Variants in SLITRK2 observed in about 807,000 individuals in gnomAD.
SLITRK2 encodes the protein SLIT and NTRK like family member 2, also known as SLIT and NTRK-like protein 2.
Under a neutral mutation model 35.4 loss-of-function variants are expected in SLITRK2, and 13 were observed. The ratio of observed to expected loss-of-function variants is 0.37; its 90% CI spans 0.24 to 0.58. SLITRK2 has a LOEUF of 0.58. SLITRK2 is among the 20% of genes least tolerant of loss of function. SLITRK2 has a pLI of 0.75. For missense variants in SLITRK2, 471 were observed against 634.3 expected, an observed-to-expected ratio of 0.74 and a Z score of 2.76; for synonymous variants, 294 against 264.7, an observed-to-expected ratio of 1.11 and a Z score of -1.07.
At chrX:145,819,706 A>G in intron 1 of SLITRK2, 2 of 112,029 alleles carry the variant, frequency 1.8e-5, no homozygotes, top group Middle Eastern at 9.2e-3. Context: ...TGCAATTGCA[A>G]TACAGGGTGG....
chrX:145,823,044 G>A lies in SLITRK2; in HGVS notation c.619G>A (p.Gly207Arg), dbSNP rs782811171. Residue 207 changes from glycine to arginine, a missense_variant, in exon 5 of 5, where the codon GGG becomes AGG. Physicochemically the swap from Gly to Arg is moderately radical, Grantham distance 125. This residue lies in a region of SLITRK2 where 15 missense variants were observed against 45.7 expected (regional missense o/e 0.33). Transcript: ENST00000335565. ...PFAGVLEHIG[G>R]IMEIQLEENP... ...TGCTGGCGTCCTTGAACATATTGGA[G>A]GGATCATGGAGATTCAGCTGGAGGA... The A allele has an allele frequency of 5.0e-6, 6 of 1,209,635 alleles. No homozygotes were observed. The East Asian group carries it at 1.5e-4, about 30-fold the overall frequency.
chrX:145,820,902 C>T (rs1471570049), intron 2 of SLITRK2: 1 of 110,742 alleles, frequency 9.0e-6, no homozygotes, highest in Non-Finnish European at 1.9e-5. Context: ...AAGGAATTCT[C>T]TTAGCACTGA....
chrX:145,827,871 G>A lies in SLITRK2; in HGVS notation c.*2908G>A. On this transcript the variant is annotated 3_prime_UTR_variant, in exon 5 of 5. Transcript: ENST00000335565. ...AGGATTTTTATTTTTATCTTCCACA[G>A]CTGGATATTGCTATTTCACTTTTAT... The A allele has an allele frequency of 8.3e-7, 1 of 1,211,021 alleles. No individual in the cohort carries two copies.
Position 145,823,763 on chromosome X carries a change from G to A in SLITRK2, c.1338G>A (p.Leu446=), listed in dbSNP as rs782442678. 1 of 1,211,142 alleles carries A rather than the reference G, an allele frequency of 8.3e-7. No homozygotes were observed. The highest frequency in any genetic ancestry group is 2.2e-5 in the Admixed American group (1 of 46,039). The change falls in exon 5 of 5, where the codon CTG becomes CTA. Residue 446 remains leucine, a synonymous_variant. Transcript: ENST00000335565. ...TGTACCCTTCTATGTTTGATGGACT[G>A]CAGAGCTTGCAATATCTCTATTTAG... ...EVLYPSMFDG[L]QSLQYLYLEY... is the part of the protein sequence containing the mutation.
At position 145,827,887 on chromosome X, in the gene SLITRK2, T is replaced by A. The variant is rs782226570; in HGVS notation, c.*2924T>A. The A allele has an allele frequency of 2.5e-6, 3 of 1,211,668 alleles. No homozygotes were observed. Among genetic ancestry groups the A allele is most frequent in the Non-Finnish European group, 3.4e-6 (3 of 895,351 alleles). On this transcript the variant is annotated 3_prime_UTR_variant, in exon 5 of 5. Coordinates refer to ENST00000335565, the MANE Select transcript of SLITRK2 (RefSeq NM_032539.5). ...TCTTCCACAGCTGGATATTGCTATTTCACTTTTATTTCACATGCAGCTTTA... is the reference window on the plus strand; with the variant it reads ...TCTTCCACAGCTGGATATTGCTATTACACTTTTATTTCACATGCAGCTTTA...
intron 1 of SLITRK2, chrX:145,819,883 A>T (rs2072966341): frequency 8.9e-6 from 1 of 112,092 alleles, no homozygotes; most frequent in South Asian, 3.8e-4. Flanking sequence ...CTCTTAGAAG[A>T]AGAAGAAGGA....
At position 145,827,013 on chromosome X, in the gene SLITRK2, T is replaced by A. The variant is rs782689169; in HGVS notation, c.*2050T>A. 8.9e-6 allele frequency: 1 copy of A among 111,917 alleles called. No individual in the cohort carries two copies. Among genetic ancestry groups the A allele is most frequent in the East Asian group, 2.8e-4 (1 of 3,561 alleles). The allele number at this position is 111,917 out of a possible 1,213,427, so 9.2% of individuals were successfully genotyped here. ...GAAACATATCTTTAACAACATAAAATCTCTGAATATCTACAGTGGCAAGCT... is the reference window on the plus strand; with the variant it reads ...GAAACATATCTTTAACAACATAAAAACTCTGAATATCTACAGTGGCAAGCT... On this transcript the variant is annotated 3_prime_UTR_variant, in exon 5 of 5. Transcript: ENST00000335565.
Position 145,822,819 on chromosome X carries a change from G to A in SLITRK2, c.394G>A (p.Gly132Ser). The A allele has an allele frequency of 8.3e-7, 1 of 1,210,599 alleles. No individual in the cohort carries two copies. Among genetic ancestry groups the A allele is most frequent in the Non-Finnish European group, 1.1e-6 (1 of 895,033 alleles). The change falls in exon 5 of 5, where the codon GGC becomes AGC. Residue 132 changes from glycine (G) to serine (S), a missense_variant. Physicochemically the swap from Gly to Ser is moderately conservative, Grantham distance 56. Transcript: ENST00000335565. ...GATATTGAGGGAGGACACCTTCCTA[G>A]GCCTGGAGAGCCTGGAGTATCTCCA... ...LEILREDTFL[G>S]LESLEYLQAD...
At chrX:145,821,120 C>G (rs1412353827) in intron 2 of SLITRK2, 1 of 68,334 alleles carries the variant, frequency 1.5e-5, no homozygotes, top group African/African-American at 6.0e-5. Context: ...CTCTCTCTCT[C>G]TCACTCACAC....
intron 1 of SLITRK2, 79 bp from the exon 2 acceptor site, chrX:145,820,395 C>T (rs2072979772): frequency 8.9e-6 from 1 of 112,549 alleles, no homozygotes; most frequent in Non-Finnish European, 1.9e-5. Context: ...ATTAGCAATG[C>T]TCTGGAAAGG....
Position 145,824,743 on chromosome X carries a change from A to G in SLITRK2, c.2318A>G (p.His773Arg). The G allele has an allele frequency of 8.3e-7, 1 of 1,211,470 alleles. No individual in the cohort carries two copies. Among genetic ancestry groups the G allele is most frequent in the Non-Finnish European group, 1.1e-6 (1 of 895,445 alleles). ...VKELPSAGLV[H>R]YNFCTLPKRQ... ...GAACTTCCCAGCGCAGGCCTAGTCCACTATAACTTTTGTACCTTACCTAAA... is the reference window on the plus strand; with the variant it reads ...GAACTTCCCAGCGCAGGCCTAGTCCGCTATAACTTTTGTACCTTACCTAAA... Residue 773 changes from histidine (H) to arginine (R), a missense_variant, in exon 5 of 5, where the codon CAC becomes CGC. His to Arg is a conservative substitution (Grantham distance 29). Around this residue, in one of 7 missense-constraint regions of SLITRK2, gnomAD observed 190 missense variants for 199.3 expected, o/e 0.95. Coordinates refer to ENST00000335565, the MANE Select transcript of SLITRK2 (RefSeq NM_032539.5).
Position 145,827,462 on chromosome X carries a change from G to T in SLITRK2, c.*2499G>T. 1 of 289,234 alleles carries T rather than the reference G, an allele frequency of 3.5e-6. No homozygotes were observed. The highest frequency in any genetic ancestry group is 6.0e-5 in the Admixed American group (1 of 16,752). 23.8% of individuals were successfully genotyped at this position (289,234 alleles called of 1,213,427 possible). On this transcript the variant is annotated 3_prime_UTR_variant, in exon 5 of 5. Coordinates refer to ENST00000335565, the MANE Select transcript of SLITRK2 (RefSeq NM_032539.5). ...TTTTTCTGAAAGTAAAGATACTCCTGTAAAATGCCATTGTCCATAGAAAAA... is the reference window on the plus strand; with the variant it reads ...TTTTTCTGAAAGTAAAGATACTCCTTTAAAATGCCATTGTCCATAGAAAAA...
chrX:145,818,500 G>A (rs2072929115), intron 1 of SLITRK2: 1 of 113,166 alleles, frequency 8.8e-6, no homozygotes, highest in South Asian at 3.6e-4. Flanking sequence ...CTGGTCTCCC[G>A]GAAGCGCCCT....
At position 145,822,389 on chromosome X, in the gene SLITRK2, C is replaced by T. The variant is rs2124144885; in HGVS notation, c.-37C>T. On this transcript the variant is annotated 5_prime_UTR_variant, in exon 5 of 5. Coordinates refer to ENST00000335565, the MANE Select transcript of SLITRK2 (RefSeq NM_032539.5). ...CCCCCTGCCCCCACCTAAGGTTTGC[C>T]TGTAGGTACCTGAGTTGACACCGAA... is the stretch of plus-strand genomic sequence containing the variant. The T allele has an allele frequency of 2.6e-6, 3 of 1,167,257 alleles. No homozygotes were observed. The highest frequency in any genetic ancestry group is 3.4e-6 in the Non-Finnish European group (3 of 870,262).
In SLITRK2 at chrX:145,824,266, C is replaced by G. The variant is rs2124197108; in HGVS notation, c.1841C>G (p.Thr614Ser). Residue 614 changes from threonine (T) to serine (S), a missense_variant, in exon 5 of 5, where the codon ACT becomes AGT. By Grantham distance (58) the Thr-to-Ser change is moderately conservative. This residue lies in a region of SLITRK2 where 190 missense variants were observed against 199.3 expected (regional missense o/e 0.95). Coordinates refer to ENST00000335565, the MANE Select transcript of SLITRK2 (RefSeq NM_032539.5). Reference protein sequence around the residue: ...VSPSSYPELHTEVPLSVLILG... With the variant: ...VSPSSYPELHSEVPLSVLILG... ...CCTAGTTCCTATCCTGAACTACACA[C>G]TGAAGTTCCACTGTCTGTCTTAATT... The G allele has an allele frequency of 8.3e-7, 1 of 1,209,895 alleles. No individual in the cohort carries two copies. The highest frequency in any genetic ancestry group is 1.1e-6 in the Non-Finnish European group (1 of 893,933).
In SLITRK2 at chrX:145,824,205, C is replaced by T. The variant is rs782560023; in HGVS notation, c.1780C>T (p.His594Tyr). Residue 594 changes from histidine (H) to tyrosine (Y), a missense_variant, in exon 5 of 5, where the codon CAC becomes TAC. Transcript: ENST00000335565. Reference sequence around the variant, plus strand: ...AGATGGAACCGTCTTGTCAATGAATCACAATACAGACACACCTCGGTCGCT... The same window carrying T: ...AGATGGAACCGTCTTGTCAATGAATTACAATACAGACACACCTCGGTCGCT... ...LSDGTVLSMN[H>Y]NTDTPRSLSV... is the part of the protein sequence containing the mutation. The T allele has an allele frequency of 7.4e-6, 9 of 1,210,645 alleles. No homozygotes were observed. Among genetic ancestry groups the T allele is most frequent in the Admixed American group, 4.3e-5 (2 of 45,993 alleles).
chrX:145,820,659 C>A (rs1388074658), intron 2 of SLITRK2, 123 bp downstream of exon 2: 1 of 111,804 alleles, frequency 8.9e-6, no homozygotes, highest in Non-Finnish European at 1.9e-5. Flanking sequence ...AGGGCTCAAC[C>A]ACCCTTCCTT....
intron 1 of SLITRK2, chrX:145,820,075 A>G (rs782786324): frequency 1.2e-4 from 13 of 112,062 alleles, no homozygotes; most frequent in African/African-American, 2.9e-4. Flanking sequence ...TTCTGTTCTC[A>G]AGTGGTTTGT....
rs2124197224 is a variant in SLITRK2 at position 145,824,270 on chromosome X, A to G, written c.1845A>G (p.Glu615=). 8.3e-7 allele frequency: 1 copy of G among 1,210,795 alleles called. No individual in the cohort carries two copies. The highest frequency in any genetic ancestry group is 1.7e-5 in the African/African-American group (1 of 57,672). ...GTTCCTATCCTGAACTACACACTGA[A>G]GTTCCACTGTCTGTCTTAATTCTGG... ...SPSSYPELHT[E]VPLSVLILGL... Residue 615 remains glutamate, a synonymous_variant, in exon 5 of 5, where the codon GAA becomes GAG. Coordinates refer to ENST00000335565, the MANE Select transcript of SLITRK2 (RefSeq NM_032539.5).
Sources: gnomAD v4.1 joint callset for allele counts on GRCh38, gnomAD v4.1.1 for gene constraint, gnomAD v4.1.1 regional missense constraint, MANE v1.5 for transcripts, NCBI Gene and HGNC (gene_info 2026-07-23, HGNC 2026-07-21) for gene names.